ZDHHC21: variants seen among roughly 807,000 people sequenced by gnomAD.
The protein encoded by ZDHHC21 is zDHHC palmitoyltransferase 21.
Under a neutral mutation model 34.6 loss-of-function variants are expected in ZDHHC21, and 15 were observed. That is an observed-to-expected ratio of 0.43 (90% CI 0.29 to 0.67). The LOEUF (loss-of-function observed/expected upper bound fraction) is 0.67. Among genes scored for constraint, ZDHHC21 ranks in the 30% least tolerant of loss-of-function variants. The pLI is 0.14. For missense variants in ZDHHC21, 344 were observed against 327.7 expected, an observed-to-expected ratio of 1.05 and a Z score of -0.38; for synonymous variants, 142 against 101.8, an observed-to-expected ratio of 1.40 and a Z score of -2.38.
chr9:14,648,905 C>T (rs758215248), intron 7 of ZDHHC21, among the ~76,000 whole-genome samples: 2 of 151,760 alleles, frequency 1.3e-5, no homozygotes, highest in East Asian at 1.9e-4. Context: ...ACGTACTTTT[C>T]TGTGTTTTTA....
intron 5 of ZDHHC21, among the ~76,000 whole-genome samples, chr9:14,665,688 A>C (rs1834303593): frequency 7.2e-6 from 1 of 138,616 alleles, no homozygotes; most frequent in Non-Finnish European, 1.6e-5. Context: ...AGTGGGGGCC[A>C]ATATTCAACA....
At chr9:14,607,106 A>G (rs537165107), downstream of ZDHHC21, among the ~76,000 whole-genome samples, 1,104 of 130,436 alleles carry the variant, frequency 8.5e-3, 14 homozygotes, top group Non-Finnish European at 0.011. Context: ...AAAAATCTAC[A>G]TGATGCCCAC....
At chr9:14,670,369 C>A (rs1380220130) in intron 5 of ZDHHC21, among the ~76,000 whole-genome samples, 6 of 152,008 alleles carry the variant, frequency 3.9e-5, no homozygotes, top group Admixed American at 3.9e-4. Context: ...TCTGTATGAC[C>A]TATGAGCTAA....
In ZDHHC21 at chr9:14,614,164, T is replaced by C. The variant is rs751435403; in HGVS notation, c.*4802A>G. On this transcript the variant is annotated 3_prime_UTR_variant, in exon 10 of 10. Transcript: ENST00000380916. ...TGAGATGCTGATTATTCATGCACCA[T>C]CTAGCCTTCTCTCCATCTTAGTAAG... 1 of 151,748 alleles carries C rather than the reference T, an allele frequency of 6.6e-6. No individual in the cohort carries two copies. Among genetic ancestry groups the C allele is most frequent in the Non-Finnish European group, 1.5e-5 (1 of 67,754 alleles). The allele number at this position is 151,748 out of a possible 1,614,324, so 9.4% of individuals were successfully genotyped here.
downstream of ZDHHC21, among the ~76,000 whole-genome samples, chr9:14,608,785 T>C (rs1012953849): frequency 5.9e-5 from 9 of 152,240 alleles, no homozygotes; most frequent in East Asian, 1.9e-4. Flanking sequence ...GCTGCTCATA[T>C]GGGTAATTGG....
At chr9:14,684,954 A>G (rs1203153550) in intron 2 of ZDHHC21, among the ~76,000 whole-genome samples, 3 of 152,254 alleles carry the variant, frequency 2.0e-5, no homozygotes, top group Admixed American at 6.5e-5. Flanking sequence ...CAATGGGGAA[A>G]GGATTCCCTA....
chr9:14,649,204 G>A (rs1455901673), intron 7 of ZDHHC21, among the ~76,000 whole-genome samples: 1 of 151,972 alleles, frequency 6.6e-6, no homozygotes, highest in Non-Finnish European at 1.5e-5. Flanking sequence ...ACTGGTAAAG[G>A]ATTTTGTTTT....
Position 14,674,173 on chromosome 9 carries a change from A to G in ZDHHC21, c.154+14T>C, listed in dbSNP as rs773967723. On this transcript the variant is annotated intron_variant, in intron 4 of 9. Coordinates refer to ENST00000380916, the MANE Select transcript of ZDHHC21 (RefSeq NM_178566.6). ...AAAATAATTATACAAGAAAATAAAG[A>G]TCAAGAAACTTACTTATTATTAATA... 2 of 1,472,990 alleles carry G rather than the reference A, an allele frequency of 1.4e-6. No homozygotes were observed. Among genetic ancestry groups the G allele is most frequent in the Non-Finnish European group, 1.8e-6 (2 of 1,112,222 alleles). The allele number at this position is 1,472,990 out of a possible 1,614,324, so 91.2% of individuals were successfully genotyped here.
the ZDHHC21 span, among the ~76,000 whole-genome samples, chr9:14,603,073 G>A: frequency 6.6e-6 from 1 of 152,008 alleles, no homozygotes; most frequent in Non-Finnish European, 1.5e-5. Flanking sequence ...AGTGGCCTGA[G>A]GAAACTTTTT....
chr9:14,671,445 A>C (rs983219219), intron 5 of ZDHHC21, among the ~76,000 whole-genome samples: 7 of 152,114 alleles, frequency 4.6e-5, no homozygotes, highest in Non-Finnish European at 1.0e-4. Context: ...AATGTAGGAA[A>C]TAAATGTCAG....
At chr9:14,647,699 T>A (rs1468648406) in intron 7 of ZDHHC21, among the ~76,000 whole-genome samples, 1 of 152,084 alleles carries the variant, frequency 6.6e-6, no homozygotes, top group Non-Finnish European at 1.5e-5. Flanking sequence ...CTTGACCCTC[T>A]CTCACCACCA....
At chr9:14,686,981 A>C (rs1430961428) in intron 2 of ZDHHC21, among the ~76,000 whole-genome samples, 1 of 18,892 alleles carries the variant, frequency 5.3e-5, no homozygotes, top group Non-Finnish European at 2.2e-4. Context: ...TCAAAAAAAC[A>C]AAAAAAAAAA....
chr9:14,679,519 C>A (rs926006876), intron 3 of ZDHHC21, among the ~76,000 whole-genome samples: 2 of 152,058 alleles, frequency 1.3e-5, no homozygotes, highest in African/African-American at 2.4e-5. Flanking sequence ...AACAGACCAG[C>A]CAAACTGTTC....
In ZDHHC21 at chr9:14,614,172, T is replaced by C. The variant is rs1183135996; in HGVS notation, c.*4794A>G. On this transcript the variant is annotated 3_prime_UTR_variant, in exon 10 of 10. Transcript: ENST00000380916. ...TGATTATTCATGCACCATCTAGCCT[T>C]CTCTCCATCTTAGTAAGTTTGTGGA... The C allele has an allele frequency of 6.6e-6, 1 of 151,832 alleles. No individual in the cohort carries two copies. Among genetic ancestry groups the C allele is most frequent in the South Asian group, 2.1e-4 (1 of 4,820 alleles). The allele number at this position is 151,832 out of a possible 1,614,324, so 9.4% of individuals were successfully genotyped here.
the ZDHHC21 span, among the ~76,000 whole-genome samples, chr9:14,596,471 C>A: frequency 6.6e-6 from 1 of 152,146 alleles, no homozygotes; most frequent in South Asian, 2.1e-4. Context: ...CTACATGCTG[C>A]TTGTGTGTGT....
intron 8 of ZDHHC21, among the ~76,000 whole-genome samples, chr9:14,637,705 C>G (rs1170182017): frequency 6.6e-6 from 1 of 151,786 alleles, no homozygotes; most frequent in Non-Finnish European, 1.5e-5. Context: ...AATCAGCATA[C>G]AAAAATCAGT....
chr9:14,630,809 T>C (rs1827201423), intron 8 of ZDHHC21, among the ~76,000 whole-genome samples: 1 of 152,210 alleles, frequency 6.6e-6, no homozygotes, highest in Non-Finnish European at 1.5e-5. Flanking sequence ...AGCAGTAATA[T>C]TACGAAAGGA....
At chr9:14,685,730 T>C (rs895464900) in intron 2 of ZDHHC21, among the ~76,000 whole-genome samples, 7 of 152,334 alleles carry the variant, frequency 4.6e-5, no homozygotes, top group African/African-American at 1.7e-4. Flanking sequence ...TTACAAATCA[T>C]GCTGCTATAA....
the ZDHHC21 span, among the ~76,000 whole-genome samples, chr9:14,599,409 T>G: frequency 0.15 from 22,284 of 152,086 alleles, 2,264 homozygotes; most frequent in South Asian, 0.31. Flanking sequence ...GACAATGCTA[T>G]CCAGCCCAGA....
Sources: gnomAD v4.1 joint callset for allele counts (sites outside exome capture counted in the v4.1 genomes callset) on GRCh38, gnomAD v4.1.1 for gene constraint, MANE v1.5 for transcripts, NCBI Gene and HGNC (gene_info 2026-07-23, HGNC 2026-07-21) for gene names.